The following ANO3 variants were observed in gnomAD, a reference collection of about 807,000 sequenced individuals.
ANO3 encodes the protein anoctamin 3.
In ANO3, 99 loss-of-function variants were observed where a neutral mutation model predicts 144.8. The observed-to-expected ratio is 0.68, with a 90% CI of 0.58 to 0.81. ANO3 has a LOEUF of 0.81. Ranked by LOEUF, ANO3 falls within the 30% of genes least tolerant of loss-of-function variation. ANO3 has a pLI of 0.00. For synonymous variants in ANO3, 414 were observed against 392.6 expected, an observed-to-expected ratio of 1.05 and a Z score of -0.64; for missense variants, 905 against 1,202.2, an observed-to-expected ratio of 0.75 and a Z score of 3.66.
chr11:26,305,980 G>C (rs1854370457), upstream of ANO3, among the ~76,000 whole-genome samples: 2 of 152,064 alleles, frequency 1.3e-5, no homozygotes, highest in Non-Finnish European at 2.9e-5. Flanking sequence ...TTAAGACAGA[G>C]TCTCGCTTCT....
chr11:26,598,867 C>A lies in ANO3; in HGVS notation c.1540C>A (p.Arg514Ser). 1 of 1,612,780 alleles carries A rather than the reference C, an allele frequency of 6.2e-7. No individual in the cohort carries two copies. The highest frequency in any genetic ancestry group is 2.2e-5 in the East Asian group (1 of 44,832). ...TTCGTTTCTCTCATAGGAAACACTT[C>A]GTCCCCAGTTTGAAGCCAAGTATTA... ...IEWEEEEETL[R>S]PQFEAKYYKM... Residue 514 changes from arginine to serine, a missense_variant, in exon 16 of 27, where the codon CGT (arginine) becomes AGT (serine). Around this residue, in one of 4 missense-constraint regions of ANO3, gnomAD observed 597 missense variants for 865.1 expected, o/e 0.69. Transcript: ENST00000256737.
chr11:26,264,008 T>C (rs1853252690), intron 1 of ANO3, among the ~76,000 whole-genome samples: 1 of 152,252 alleles, frequency 6.6e-6, no homozygotes, highest in Non-Finnish European at 1.5e-5. Context: ...ATTAGTTCTA[T>C]ATTCATCATC....
At chr11:26,350,675 C>T (rs974902769) in intron 1 of ANO3, among the ~76,000 whole-genome samples, 2 of 151,878 alleles carry the variant, frequency 1.3e-5, no homozygotes, top group Admixed American at 6.6e-5. Flanking sequence ...AAGAGTACAA[C>T]GTTGTGATTT....
At chr11:26,287,204 G>T (rs964060854) in intron 1 of ANO3, 6 of 152,126 alleles carry the variant, frequency 3.9e-5, no homozygotes, top group Admixed American at 1.3e-4. Context: ...GGTCTGTCCT[G>T]AACATTATTG....
chr11:26,542,077 A>T lies in ANO3; in HGVS notation c.1154+9A>T, dbSNP rs1254437925. On this transcript the variant is annotated intron_variant, in intron 11 of 26. Transcript: ENST00000256737. Reference sequence around the variant, plus strand: ...CCTCTGGATTTAATCAGGTACTGCAAATGGAACAATAATGAAAAGCAAAGT... The same window carrying T: ...CCTCTGGATTTAATCAGGTACTGCATATGGAACAATAATGAAAAGCAAAGT... 4.4e-6 allele frequency: 7 copies of T among 1,604,844 alleles called. No homozygotes were observed. The highest frequency in any genetic ancestry group is 6.0e-6 in the Non-Finnish European group (7 of 1,176,444).
chr11:26,344,428 C>G (rs185286070), intron 1 of ANO3, among the ~76,000 whole-genome samples: 2 of 148,406 alleles, frequency 1.3e-5, no homozygotes, highest in Non-Finnish European at 3.0e-5. Flanking sequence ...TGCAGTGGCA[C>G]GATCTCGGCT....
At chr11:26,565,162 T>C in intron 14 of ANO3, 1 of 1,499,700 alleles carries the variant, frequency 6.7e-7, no homozygotes, top group Non-Finnish European at 8.9e-7. Context: ...CATTTATATT[T>C]ACCTTTTTGG....
intron 1 of ANO3, among the ~76,000 whole-genome samples, chr11:26,406,156 A>T (rs1279544781): frequency 6.6e-6 from 1 of 151,834 alleles, no homozygotes; most frequent in Non-Finnish European, 1.5e-5. Context: ...ATGGGCTTGG[A>T]GGCTTAGAAT....
intron 1 of ANO3, among the ~76,000 whole-genome samples, chr11:26,390,514 G>A (rs748287110): frequency 1.3e-5 from 2 of 151,958 alleles, no homozygotes; most frequent in Non-Finnish European, 2.9e-5. Flanking sequence ...AAGGAAGTTG[G>A]CATTTATGGA....
rs191141923 is a variant in ANO3 at position 26,373,908 on chromosome 11, G to T, written c.46+41587G>T. ...AAGTAAGTTTCCAAAAAAGATGATT[G>T]AATATAACAAATCTGAAGTTTATAG... On this transcript the variant is annotated intron_variant, in intron 1 of 26. Transcript: ENST00000256737. Among the ~76,000 whole-genome samples, 234 of 152,214 alleles carry T rather than the reference G, an allele frequency of 1.5e-3. 1 individual carries two copies. The highest frequency in any genetic ancestry group is 2.2e-3 in the Non-Finnish European group (148 of 67,998).
chr11:26,399,133 A>C (rs940963956), intron 1 of ANO3, among the ~76,000 whole-genome samples: 6 of 151,904 alleles, frequency 3.9e-5, no homozygotes, highest in African/African-American at 4.8e-5. Flanking sequence ...GTGAGATAAA[A>C]TTCTGCCCAA....
intron 1 of ANO3, chr11:26,285,833 GT>G (rs1222019251): frequency 6.6e-6 from 1 of 152,156 alleles, no homozygotes; most frequent in African/African-American, 2.4e-5. Flanking sequence ...CATTGCAGCA[GT>G]TTTCCATTCA....
rs1186808570 is a variant in ANO3 at position 26,647,837 on chromosome 11, C to A, written c.2557C>A (p.His853Asn). The change falls in exon 24 of 27, where the codon CAT becomes AAT. Residue 853 changes from histidine to asparagine, a missense_variant. By Grantham distance (68) the His-to-Asn change is moderately conservative. Transcript: ENST00000256737. ...YEYKYGPCAN[H>N]VEPSENCLKG... ...ATACAAATATGGCCCCTGTGCAAAT[C>A]ATGTAGAACCAAGTGAAAAGTAAGG... 6.2e-7 allele frequency: 1 copy of A among 1,609,382 alleles called. No individual in the cohort carries two copies. Among genetic ancestry groups the A allele is most frequent in the South Asian group, 1.1e-5 (1 of 89,906 alleles).
At chr11:26,313,974 A>C (rs1035130723) in intron 1 of ANO3, among the ~76,000 whole-genome samples, 33 of 152,060 alleles carry the variant, frequency 2.2e-4, no homozygotes, top group Admixed American at 8.5e-4. Flanking sequence ...CAACATGAAA[A>C]GTTCAGTAGA....
At chr11:26,305,923 G>T (rs572058851), upstream of ANO3, among the ~76,000 whole-genome samples, 1 of 151,908 alleles carries the variant, frequency 6.6e-6, no homozygotes, top group Admixed American at 6.6e-5. Context: ...TGTAGGTGTG[G>T]GCTAAGAATT....
chr11:26,529,353 A>T (rs868225533), intron 7 of ANO3, among the ~76,000 whole-genome samples: 4 of 86 alleles, frequency 0.047, 2 homozygotes, highest in African/African-American at 0.048. Flanking sequence ...TATATTATAT[A>T]ATAATATATT....
intron 24 of ANO3, among the ~76,000 whole-genome samples, chr11:26,649,335 T>C (rs1853449748): frequency 6.6e-6 from 1 of 152,194 alleles, no homozygotes; most frequent in Non-Finnish European, 1.5e-5. Context: ...CTTAACAATA[T>C]AGAATGAGTA....
intron 18 of ANO3, among the ~76,000 whole-genome samples, chr11:26,626,398 G>A (rs761284856): frequency 1.4e-4 from 22 of 152,168 alleles, no homozygotes; most frequent in Non-Finnish European, 2.5e-4. Flanking sequence ...CAATCCAATG[G>A]AGAGCTCTAG....
chr11:26,632,477 T>C (rs1396644221), intron 18 of ANO3, among the ~76,000 whole-genome samples: 1 of 147,600 alleles, frequency 6.8e-6, no homozygotes, highest in Admixed American at 6.8e-5. Flanking sequence ...GATTGTGCCA[T>C]TGTAGTCCAG....
Sources: gnomAD v4.1 joint callset for allele counts (sites outside exome capture counted in the v4.1 genomes callset) on GRCh38, gnomAD v4.1.1 for gene constraint, gnomAD v4.1.1 regional missense constraint, MANE v1.5 for transcripts, NCBI Gene and HGNC (gene_info 2026-07-23, HGNC 2026-07-21) for gene names.